The following RIMS2 variants were observed in gnomAD, a reference collection of about 807,000 sequenced individuals.
The protein encoded by RIMS2 is regulating synaptic membrane exocytosis 2, also known as regulating synaptic membrane exocytosis protein 2.
In RIMS2, 59 loss-of-function variants were observed where a neutral mutation model predicts 174.4. That is an observed-to-expected ratio of 0.34 (90% confidence interval 0.27 to 0.42). The LOEUF (loss-of-function observed/expected upper bound fraction) is 0.42. Among genes scored for constraint, RIMS2 ranks in the 10% least tolerant of loss-of-function variants. RIMS2 has a pLI of 1.00. For synonymous variants in RIMS2, 606 were observed against 572.5 expected, an observed-to-expected ratio of 1.06 and a Z score of -0.84; for missense variants, 1,620 against 1,666.3, an observed-to-expected ratio of 0.97 and a Z score of 0.48.
At chr8:103,827,227 CATT>C (rs1399422242) in intron 3 of RIMS2, among the ~76,000 whole-genome samples, 1 of 152,052 alleles carries the variant, frequency 6.6e-6, no homozygotes, top group Non-Finnish European at 1.5e-5. Flanking sequence ...TTTTTTATCT[CATT>C]ATAAATGGAA....
intron 1 of RIMS2, among the ~76,000 whole-genome samples, chr8:103,695,796 G>A (rs28796041): frequency 0.06 from 9,117 of 151,584 alleles, 913 homozygotes; most frequent in African/African-American, 0.21. Flanking sequence ...CAGCTTGCAT[G>A]GTTTCTCAAG....
At chr8:104,035,662 T>A (rs1458982646) in intron 19 of RIMS2, among the ~76,000 whole-genome samples, 2 of 151,766 alleles carry the variant, frequency 1.3e-5, no homozygotes, top group African/African-American at 2.4e-5. Context: ...TTCTTTTTAT[T>A]CTTGAATGTT....
At chr8:104,172,132 A>G (rs1234778327) in intron 19 of RIMS2, among the ~76,000 whole-genome samples, 1 of 152,222 alleles carries the variant, frequency 6.6e-6, no homozygotes, top group Non-Finnish European at 1.5e-5. Context: ...CTTCAGGCCA[A>G]TAGGGGAGAT....
chr8:104,192,215 TGTTCA>T (rs2099001426), intron 19 of RIMS2, among the ~76,000 whole-genome samples: 1 of 152,184 alleles, frequency 6.6e-6, no homozygotes, highest in Non-Finnish European at 1.5e-5. Context: ...TAGGGCCATT[TGTTCA>T]GTATAATACA....
chr8:103,749,638 T>C (rs540326080), intron 2 of RIMS2, among the ~76,000 whole-genome samples: 1 of 152,268 alleles, frequency 6.6e-6, no homozygotes, highest in African/African-American at 2.4e-5. Flanking sequence ...TTCATGCTTA[T>C]TACTGGAAGT....
intron 19 of RIMS2, among the ~76,000 whole-genome samples, chr8:104,028,597 T>C (rs2096309360): frequency 6.6e-6 from 1 of 152,154 alleles, no homozygotes; most frequent in African/African-American, 2.4e-5. Flanking sequence ...TTCTGGAAAA[T>C]CTTGTAAACT....
In RIMS2 at chr8:103,802,767, G is replaced by A. The variant is rs537522195; in HGVS notation, c.698+36230G>A. 2.0e-5 allele frequency among the ~76,000 whole-genome samples: 3 copies of A among 152,274 alleles called. No individual in the cohort carries two copies. The South Asian group carries it at 6.2e-4, about 32-fold the overall frequency. On this transcript the variant is annotated intron_variant, in intron 3 of 23. Transcript: ENST00000504942. ...AGGGAAAGAAGAGTGAGACTAAGGA[G>A]CTAGCCACTAAATTGATCTTGTTTA... is the stretch of plus-strand genomic sequence containing the variant.
At chr8:104,056,211 T>A (rs1225144321) in intron 19 of RIMS2, among the ~76,000 whole-genome samples, 1 of 152,044 alleles carries the variant, frequency 6.6e-6, no homozygotes, top group Admixed American at 6.6e-5. Context: ...AAGACCATCC[T>A]GGCTAACATG....
rs371248825 is a variant in RIMS2 at position 104,030,729 on chromosome 8, G to A, written c.3334+16114G>A. Among the ~76,000 whole-genome samples, 10 of 152,012 alleles carry A rather than the reference G, an allele frequency of 6.6e-5. 1 individual carries two copies. The highest frequency in any genetic ancestry group is 2.0e-4 in the Admixed American group (3 of 15,256). On this transcript the variant is annotated intron_variant, in intron 19 of 23. Coordinates refer to ENST00000504942, the Ensembl canonical transcript of RIMS2. ...TAACTCCCTTACTATCTTAAGTTCTGTACTCAAAAGTTGCCTTCTTAGAGA... is the reference window on the plus strand; with the variant it reads ...TAACTCCCTTACTATCTTAAGTTCTATACTCAAAAGTTGCCTTCTTAGAGA...
intron 3 of RIMS2, among the ~76,000 whole-genome samples, chr8:103,828,802 C>T (rs1030066944): frequency 1.3e-5 from 2 of 152,072 alleles, no homozygotes; most frequent in Admixed American, 1.3e-4. Flanking sequence ...GTTATATCAG[C>T]ATTATTTATT....
At chr8:103,769,622 G>A (rs558325875) in intron 3 of RIMS2, among the ~76,000 whole-genome samples, 18 of 152,100 alleles carry the variant, frequency 1.2e-4, no homozygotes, top group Admixed American at 4.6e-4. Flanking sequence ...CACCGTGCCC[G>A]GTTGCCTATC....
At chr8:103,778,064 T>A (rs920964950) in intron 3 of RIMS2, among the ~76,000 whole-genome samples, 1 of 152,078 alleles carries the variant, frequency 6.6e-6, no homozygotes, top group Non-Finnish European at 1.5e-5. Context: ...GTTTGTTACT[T>A]TTCTTCATAG....
At chr8:103,610,071 G>A (rs2095313372) in intron 1 of RIMS2, among the ~76,000 whole-genome samples, 2 of 151,932 alleles carry the variant, frequency 1.3e-5, no homozygotes, top group African/African-American at 4.8e-5. Flanking sequence ...GTATTCCTAG[G>A]CATTTTCTTC....
chr8:103,502,596 A>G (rs1271450732), intron 1 of RIMS2, among the ~76,000 whole-genome samples: 6 of 152,090 alleles, frequency 3.9e-5, no homozygotes, highest in Admixed American at 3.9e-4. Flanking sequence ...ATAAAGCATT[A>G]TTTTTAGAAG....
At chr8:104,166,106 G>T (rs1050696414) in intron 19 of RIMS2, among the ~76,000 whole-genome samples, 3 of 133,082 alleles carry the variant, frequency 2.3e-5, no homozygotes, top group Admixed American at 8.6e-5. Flanking sequence ...TCGCTCTGTC[G>T]CCCAGGCTGG....
intron 15 of RIMS2, among the ~76,000 whole-genome samples, chr8:103,971,972 T>C (rs1487184898): frequency 1.3e-5 from 2 of 152,204 alleles, no homozygotes; most frequent in African/African-American, 4.8e-5. Context: ...ATGTTACTGA[T>C]TCATGTTGGC....
At position 104,248,830 on chromosome 8, in the gene RIMS2, CAT is replaced by C; in HGVS notation, c.3589+18_3589+19del. 1 of 1,194,964 alleles carries C rather than the reference CAT, an allele frequency of 8.4e-7. No individual in the cohort carries two copies. Among genetic ancestry groups the C allele is most frequent in the Middle Eastern group, 1.9e-4 (1 of 5,238 alleles). 74.0% of individuals were successfully genotyped at this position (1,194,964 alleles called of 1,614,324 possible). ...CTGCAATGGGTAAGAATTTCTGCCACATGATTTCACTATTTTGTTTTAGATTG... is the reference window on the plus strand; with the variant it reads ...CTGCAATGGGTAAGAATTTCTGCCACGATTTCACTATTTTGTTTTAGATTG... On this transcript the variant is annotated intron_variant, in intron 21 of 23. Transcript: ENST00000504942.
intron 4 of RIMS2, among the ~76,000 whole-genome samples, chr8:103,896,528 A>G (rs1219769564): frequency 1.3e-5 from 2 of 151,666 alleles, no homozygotes; most frequent in Non-Finnish European, 2.9e-5. Context: ...TTCAAGACTT[A>G]TACTTGATTT....
At chr8:104,025,034 T>G (rs978312666) in intron 19 of RIMS2, among the ~76,000 whole-genome samples, 5 of 152,052 alleles carry the variant, frequency 3.3e-5, no homozygotes, top group South Asian at 4.1e-4. Context: ...GAAAATCAAG[T>G]GTAGGAAAAA....
Sources: gnomAD v4.1 joint callset for allele counts (sites outside exome capture counted in the v4.1 genomes callset) on GRCh38, gnomAD v4.1.1 for gene constraint, MANE v1.5 for transcripts, NCBI Gene and HGNC (gene_info 2026-07-23, HGNC 2026-07-21) for gene names.